COL9A1: variants seen among roughly 807,000 people sequenced by gnomAD.
COL9A1 encodes the protein collagen alpha-1(IX) chain.
In COL9A1, 104 loss-of-function variants were observed where a neutral mutation model predicts 142.6. The observed-to-expected ratio is 0.73, with a 90% CI of 0.62 to 0.86. The LOEUF (loss-of-function observed/expected upper bound fraction) is 0.86, where lower values mean the gene tolerates loss of function less well. COL9A1 is among the 40% of genes least tolerant of loss of function. The probability of loss-of-function intolerance (pLI) is 0.00; values close to 1 mark genes in which losing one functional copy is unlikely to be tolerated. For missense variants in COL9A1, 1,210 were observed against 1,176.6 expected (o/e 1.03, Z -0.42); for synonymous variants, 466 against 396.0 (o/e 1.18, Z -2.10).
rs1171549562 is a variant in COL9A1, at chr6:70,295,281, C to CTTTTTTT, written c.300-725_300-719dup. 1.9e-3 allele frequency among the ~76,000 whole-genome samples: 119 copies of CTTTTTTT among 63,166 alleles called. 14 individuals carry two copies. Among genetic ancestry groups the CTTTTTTT allele is most frequent in the African/African-American group, 7.0e-3 (110 of 15,656 alleles). 41.4% of individuals were successfully genotyped at this position (63,166 alleles called of 152,430 possible). On this transcript the variant is annotated intron_variant, in intron 4 of 37. Transcript: ENST00000357250. ...CTCTACTGCAACTCTGTTGTTGCTT[C>CTTTTTTT]TTTTTTTTTTTTTTTTTTTTTTTTT...
In COL9A1 at chr6:70,301,996, C is replaced by T. The variant is rs1336605790; in HGVS notation, c.88+5G>A. On this transcript the variant is annotated splice_donor_5th_base_variant and intron_variant, in intron 2 of 37. Coordinates refer to ENST00000357250, the MANE Select transcript of COL9A1 (RefSeq NM_001851.6). ...CTTTGAAAGTCTAGAAACTATGGCC[C>T]TTACTGGGGCGACGCTTGACAGCTG... 2 of 1,607,544 alleles carry T rather than the reference C, an allele frequency of 1.2e-6. No individual in the cohort carries two copies. The highest frequency in any genetic ancestry group is 1.7e-6 in the Non-Finnish European group (2 of 1,176,574).
intron 10 of COL9A1, among the ~76,000 whole-genome samples, chr6:70,277,433 A>G (rs968491323): frequency 1.3e-5 from 2 of 152,178 alleles, no homozygotes; most frequent in Admixed American, 1.3e-4. Flanking sequence ...AATTTTCAAA[A>G]TCCAGTTTGC....
At chr6:70,225,737 C>G (rs1213331328) in intron 37 of COL9A1, among the ~76,000 whole-genome samples, 195 bp downstream of exon 37, 2 of 152,120 alleles carry the variant, frequency 1.3e-5, no homozygotes, top group South Asian at 4.1e-4. Context: ...AGTCCTGATA[C>G]CTATTTTCTG....
chr6:70,272,480 A>G (rs1009389708), intron 12 of COL9A1, among the ~76,000 whole-genome samples: 3 of 152,160 alleles, frequency 2.0e-5, no homozygotes, highest in African/African-American at 7.2e-5. Flanking sequence ...AAAGCATTCT[A>G]GTTTTACAAT....
chr6:70,284,909 C>A (rs1773389219), intron 5 of COL9A1, among the ~76,000 whole-genome samples: 1 of 152,168 alleles, frequency 6.6e-6, no homozygotes, highest in Admixed American at 6.5e-5. Context: ...TGGGAAATTA[C>A]ATAATTTTTT....
At chr6:70,277,975 T>C (rs1772878622) in intron 10 of COL9A1, among the ~76,000 whole-genome samples, 1 of 152,214 alleles carries the variant, frequency 6.6e-6, no homozygotes. Flanking sequence ...CTGACCCAGT[T>C]ACTGCATTTC....
Position 70,272,070 on chromosome 6 carries a change from G to A in COL9A1, c.1084C>T (p.Pro362Ser), listed in dbSNP as rs1437663415. The A allele has an allele frequency of 6.8e-6, 11 of 1,611,778 alleles. No individual in the cohort carries two copies. Among genetic ancestry groups the A allele is most frequent in the African/African-American group, 2.7e-5 (2 of 74,738 alleles). ...RGFPGRGIPG[P>S]PGPPGTAGLP... ...AATGATGAAGTGATACTTACAGGGG[G>A]TCCAGGAATACCACGGCCCTAAAAG... The change falls in exon 13 of 38, where the codon CCC (proline) becomes TCC (serine). Residue 362 changes from proline (P) to serine (S), a missense_variant. Transcript: ENST00000357250.
intron 10 of COL9A1, chr6:70,280,331 T>C: frequency 8.3e-7 from 1 of 1,201,702 alleles, no homozygotes; most frequent in Non-Finnish European, 1.0e-6. Flanking sequence ...CCTTGGGATT[T>C]AGGAGTGCTC....
chr6:70,266,511 G>T (rs913794894), intron 18 of COL9A1, among the ~76,000 whole-genome samples: 6 of 152,160 alleles, frequency 3.9e-5, no homozygotes, highest in Non-Finnish European at 8.8e-5. Context: ...TGCCTTATTT[G>T]TAAGTGTTTT....
intron 28 of COL9A1, among the ~76,000 whole-genome samples, chr6:70,248,245 A>G (rs1351663023): frequency 6.6e-6 from 1 of 152,238 alleles, no homozygotes; most frequent in Non-Finnish European, 1.5e-5. Context: ...GGAGGGCCAT[A>G]GAGAAATCCA....
In COL9A1 at chr6:70,231,870, A is replaced by G. The variant is rs1359313980; in HGVS notation, c.2503+713T>C. Reference sequence around the variant, plus strand: ...GGGCACATACACCCCAAGCTGATATACTTACTCCCCTCAACTAGCAAACTC... The same window carrying G: ...GGGCACATACACCCCAAGCTGATATGCTTACTCCCCTCAACTAGCAAACTC... On this transcript the variant is annotated intron_variant, in intron 36 of 37. Coordinates refer to ENST00000357250, the MANE Select transcript of COL9A1 (RefSeq NM_001851.6). 3.3e-5 allele frequency among the ~76,000 whole-genome samples: 5 copies of G among 152,166 alleles called. No homozygotes were observed. In the East Asian group the frequency reaches 9.6e-4, roughly 29 times the overall value.
rs57731893 is a variant in COL9A1 at position 70,219,766 on chromosome 6, GA to G, written c.2582-2686del. Reference sequence around the variant, plus strand: ...TCTGATAATTTTCAAGAGAGGCCAGGAAGCTGAGTCTTTAAATAAATATCTC... The same window carrying G: ...TCTGATAATTTTCAAGAGAGGCCAGGAGCTGAGTCTTTAAATAAATATCTC... On this transcript the variant is annotated intron_variant, in intron 37 of 37. Transcript: ENST00000357250. Among the ~76,000 whole-genome samples the G allele has an allele frequency of 2.4e-3, 366 of 152,314 alleles. 2 individuals carry two copies. Among genetic ancestry groups the G allele is most frequent in the African/African-American group, 8.5e-3 (352 of 41,560 alleles).
At chr6:70,241,335 C>T in intron 31 of COL9A1, 84 bp downstream of exon 31, 1 of 1,099,460 alleles carries the variant, frequency 9.1e-7, no homozygotes, top group East Asian at 2.3e-5. Context: ...TTTATTAACC[C>T]CCATAAACCA....
chr6:70,223,686 C>T (rs918286466), intron 37 of COL9A1, among the ~76,000 whole-genome samples: 95 of 152,248 alleles, frequency 6.2e-4, no homozygotes, highest in African/African-American at 2.0e-3. Flanking sequence ...CGCGCCAAAG[C>T]GCAGAAAACG....
rs1768526661 is a variant in COL9A1 at position 70,216,705 on chromosome 6, AAAGAG to A, written c.*187_*191del. 3 of 649,220 alleles carry A rather than the reference AAAGAG, an allele frequency of 4.6e-6. No homozygotes were observed. Among genetic ancestry groups the A allele is most frequent in the Admixed American group, 2.5e-5 (1 of 39,902 alleles). The allele number at this position is 649,220 out of a possible 1,614,324, so 40.2% of individuals were successfully genotyped here. A position where few individuals can be genotyped will look rare whatever the true frequency, so the allele number is the denominator to read the frequency against. ...TGCTGTCTTCCCTCCAAGGGAAAGG[AAAGAG>A]AACTTACTGAATAGCACCGTTCTTC... On this transcript the variant is annotated 3_prime_UTR_variant, in exon 38 of 38. Coordinates refer to ENST00000357250, the MANE Select transcript of COL9A1 (RefSeq NM_001851.6).
chr6:70,281,268 G>A lies in COL9A1; in HGVS notation c.876+122C>T, dbSNP rs1583325533. 3.1e-5 allele frequency: 30 copies of A among 954,794 alleles called. No individual in the cohort carries two copies. The East Asian group carries it at 7.5e-4, about 24-fold the overall frequency. 59.1% of individuals were successfully genotyped at this position (954,794 alleles called of 1,614,324 possible). A position where few individuals can be genotyped will look rare whatever the true frequency, so the allele number is the denominator to read the frequency against. ...CATGTCTGATCCTGCCTTTAAGTGG[G>A]GTGGCAGGAAGGGGAGACCCTGGTC... On this transcript the variant is annotated intron_variant, in intron 8 of 37. Coordinates refer to ENST00000357250, the MANE Select transcript of COL9A1 (RefSeq NM_001851.6).
chr6:70,266,852 A>G, intron 17 of COL9A1, 82 bp from the exon 18 acceptor site: 1 of 1,110,802 alleles, frequency 9.0e-7, no homozygotes, highest in Non-Finnish European at 1.4e-6. Flanking sequence ...CTGCTTCCCT[A>G]AATCAGTGCC....
chr6:70,220,385 G>T (rs539628320), intron 37 of COL9A1, among the ~76,000 whole-genome samples: 75 of 64,178 alleles, frequency 1.2e-3, no homozygotes, highest in African/African-American at 4.1e-3. Flanking sequence ...GAGGGGTGTG[G>T]CAGGGTGTGT....
At chr6:70,283,024 G>A (rs1159430140) in intron 6 of COL9A1, 106 bp from the exon 7 acceptor site, 10 of 1,610,208 alleles carry the variant, frequency 6.2e-6, no homozygotes, top group Non-Finnish European at 7.6e-6. Context: ...CAGCCCCAGG[G>A]CCCCGCGGTC....
Sources: allele counts gnomAD v4.1 joint callset (sites outside exome capture counted in the v4.1 genomes callset), GRCh38; gene constraint gnomAD v4.1.1; transcripts MANE v1.5; gene names NCBI Gene and HGNC (gene_info 2026-07-23, HGNC 2026-07-21).